RBMS3: variants seen among roughly 807,000 people sequenced by gnomAD.
RBMS3 encodes the protein RNA binding motif single stranded interacting protein 3, also known as RNA-binding motif, single-stranded-interacting protein 3.
A neutral mutation model predicts 66.8 loss-of-function variants in RBMS3; 27 were observed. The observed-to-expected ratio is 0.40, with a 90% CI of 0.30 to 0.56. RBMS3 has a LOEUF of 0.56. Ranked by LOEUF, RBMS3 falls within the 20% of genes least tolerant of loss-of-function variation. RBMS3 has a pLI of 0.40. For synonymous variants in RBMS3, 188 were observed against 183.0 expected, an observed-to-expected ratio of 1.03 and a Z score of -0.22; for missense variants, 513 against 549.5, an observed-to-expected ratio of 0.93 and a Z score of 0.66.
intron 4 of RBMS3, among the ~76,000 whole-genome samples, chr3:29,654,081 C>T (rs73050316): frequency 6.6e-6 from 1 of 152,174 alleles, no homozygotes; most frequent in East Asian, 1.9e-4. Flanking sequence ...GGTAGTAAGT[C>T]AATTTGAAGG....
At position 29,482,697 on chromosome 3, in the gene RBMS3, CTTTCTTT is replaced by C. The variant is rs1156920089; in HGVS notation, c.249-5740_249-5734del. ...ACACAGTCTACCATTTTCTTTCTTTCTTTCTTTTTTTTTTTTTTTTTTTTTTTTGAGA... is the reference window on the plus strand; with the variant it reads ...ACACAGTCTACCATTTTCTTTCTTTCTTTTTTTTTTTTTTTTTTTTTGAGA... On this transcript the variant is annotated intron_variant, in intron 2 of 14. Coordinates refer to ENST00000383767, the MANE Select transcript of RBMS3 (RefSeq NM_001003793.3). Among the ~76,000 whole-genome samples the C allele has an allele frequency of 1.8e-4, 17 of 92,934 alleles. No individual in the cohort carries two copies. In the East Asian group the frequency reaches 2.4e-3, roughly 13 times the overall value. The allele number at this position is 92,934 out of a possible 152,430, so 61.0% of individuals were successfully genotyped here.
intron 6 of RBMS3, among the ~76,000 whole-genome samples, chr3:29,791,504 T>C (rs2057013222): frequency 1.3e-5 from 2 of 152,204 alleles, no homozygotes; most frequent in African/African-American, 4.8e-5. Flanking sequence ...GTTTTTTTCG[T>C]CTATTTTTCT....
At chr3:29,417,015 A>C (rs2125694823) in intron 1 of RBMS3, among the ~76,000 whole-genome samples, 1 of 152,308 alleles carries the variant, frequency 6.6e-6, no homozygotes, top group East Asian at 1.9e-4. Context: ...GACAGGCAGA[A>C]TTATCTGTCT....
chr3:29,334,261 A>G (rs73058213), intron 1 of RBMS3, among the ~76,000 whole-genome samples: 1 of 152,178 alleles, frequency 6.6e-6, no homozygotes, highest in African/African-American at 2.4e-5. Flanking sequence ...TGCAATACAC[A>G]TATAACTTAG....
intron 6 of RBMS3, among the ~76,000 whole-genome samples, chr3:29,858,805 A>AT (rs2059142329): frequency 1.3e-5 from 2 of 152,302 alleles, no homozygotes; most frequent in African/African-American, 4.8e-5. Context: ...AATTGTTACA[A>AT]TTTTTTTAAA....
At chr3:29,910,254 A>C (rs1468734317) in intron 10 of RBMS3, among the ~76,000 whole-genome samples, 1 of 152,112 alleles carries the variant, frequency 6.6e-6, no homozygotes, top group Non-Finnish European at 1.5e-5. Flanking sequence ...GGTAGGGTAG[A>C]TCATTTACTT....
rs147740318 is a variant in RBMS3, at chr3:29,366,963, C to T, written c.76-67780C>T. ...ACAATTATAAAGGCTGATCAGCAAC[C>T]TAGATGTCTAATAATGGGGAAAATA... On this transcript the variant is annotated intron_variant, in intron 1 of 14. Transcript: ENST00000383767. Among the ~76,000 whole-genome samples, 915 of 152,122 alleles carry T rather than the reference C, an allele frequency of 6.0e-3. 12 individuals are homozygous for T. The highest frequency in any genetic ancestry group is 0.02 in the African/African-American group (838 of 41,512).
intron 6 of RBMS3, among the ~76,000 whole-genome samples, chr3:29,818,335 C>G (rs1407656801): frequency 1.3e-5 from 2 of 151,158 alleles, no homozygotes; most frequent in Non-Finnish European, 2.9e-5. Flanking sequence ...AAATACAATT[C>G]TATTTTTTTT....
At chr3:29,625,908 G>A (rs1248034783) in intron 4 of RBMS3, among the ~76,000 whole-genome samples, 5 of 152,120 alleles carry the variant, frequency 3.3e-5, no homozygotes, top group African/African-American at 9.6e-5. Context: ...TTAGTTCATT[G>A]CTGAGATATA....
At chr3:29,893,018 A>G (rs1462352930) in intron 8 of RBMS3, among the ~76,000 whole-genome samples, 1 of 151,334 alleles carries the variant, frequency 6.6e-6, no homozygotes, top group Non-Finnish European at 1.5e-5. Context: ...TAAGCCTCAG[A>G]TGCAACAGTA....
intron 1 of RBMS3, among the ~76,000 whole-genome samples, chr3:29,303,648 A>G (rs962386505): frequency 6.6e-6 from 1 of 152,064 alleles, no homozygotes; most frequent in African/African-American, 2.4e-5. Context: ...AGAAAAATAC[A>G]TATCAAAGCA....
intron 1 of RBMS3, among the ~76,000 whole-genome samples, chr3:29,354,125 C>A (rs980018267): frequency 2.0e-5 from 3 of 151,712 alleles, no homozygotes; most frequent in Non-Finnish European, 4.4e-5. Flanking sequence ...TTTAAATTAC[C>A]CTTACTATTT....
At chr3:29,810,361 A>C (rs1365508270) in intron 6 of RBMS3, among the ~76,000 whole-genome samples, 1 of 152,186 alleles carries the variant, frequency 6.6e-6, no homozygotes, top group Non-Finnish European at 1.5e-5. Flanking sequence ...CTTATATGTC[A>C]GTGCAGCTTA....
rs2056789282 is a variant in RBMS3 at position 29,785,549 on chromosome 3, TATAAC to T, written c.637+22569_637+22573del. 9.2e-5 allele frequency among the ~76,000 whole-genome samples: 14 copies of T among 152,084 alleles called. No individual in the cohort carries two copies. In the South Asian group the frequency reaches 2.5e-3, roughly 27 times the overall value. On this transcript the variant is annotated intron_variant, in intron 6 of 14. Transcript: ENST00000383767. Reference sequence around the variant, plus strand: ...ACTTCATACTGTACTATAAACATAGTATAACATAACATAGTATCATATAAACAGAA... The same window carrying T: ...ACTTCATACTGTACTATAAACATAGTATAACATAGTATCATATAAACAGAA...
At chr3:29,836,499 A>G (rs2058511651) in intron 6 of RBMS3, among the ~76,000 whole-genome samples, 1 of 152,016 alleles carries the variant, frequency 6.6e-6, no homozygotes, top group African/African-American at 2.4e-5. Context: ...TGGAATCTAG[A>G]AAAGTTGAAC....
chr3:29,876,130 T>G lies in RBMS3; in HGVS notation c.744+7166T>G, dbSNP rs1485318221. Among the ~76,000 whole-genome samples, 3 of 152,212 alleles carry G rather than the reference T, an allele frequency of 2.0e-5. No individual in the cohort carries two copies. In the East Asian group the frequency reaches 5.8e-4, roughly 29 times the overall value. ...AAAAGGACTTTTAATAGTTTTTCTC[T>G]TATCCTGATTCTAGGCCAGTAATTT... On this transcript the variant is annotated intron_variant, in intron 7 of 14. Transcript: ENST00000383767.
chr3:29,745,282 T>G (rs903345800), intron 5 of RBMS3, among the ~76,000 whole-genome samples: 1 of 152,040 alleles, frequency 6.6e-6, no homozygotes, highest in Non-Finnish European at 1.5e-5. Flanking sequence ...TAAAACAATT[T>G]TGTAAGATCC....
chr3:29,926,345 T>C (rs1049975175), intron 10 of RBMS3, among the ~76,000 whole-genome samples: 2 of 152,170 alleles, frequency 1.3e-5, no homozygotes, highest in African/African-American at 2.4e-5. Flanking sequence ...GAGAAAAATA[T>C]TCTCTGAGGG....
intron 6 of RBMS3, among the ~76,000 whole-genome samples, chr3:29,844,804 G>T (rs544170791): frequency 6.6e-6 from 1 of 152,232 alleles, no homozygotes; most frequent in African/African-American, 2.4e-5. Context: ...ATGAGGTATT[G>T]TATCTGCATT....
Sources: gnomAD v4.1 joint callset for allele counts (sites outside exome capture counted in the v4.1 genomes callset) on GRCh38, gnomAD v4.1.1 for gene constraint, MANE v1.5 for transcripts, NCBI Gene and HGNC (gene_info 2026-07-23, HGNC 2026-07-21) for gene names.